The following TMED8 variants were observed in gnomAD, a reference collection of about 807,000 sequenced individuals.
TMED8 encodes the protein transmembrane p24 trafficking protein family member 8.
In TMED8, 15 loss-of-function variants were observed where a neutral mutation model predicts 32.7. The ratio of observed to expected loss-of-function variants is 0.46; its 90% CI spans 0.31 to 0.71. The LOEUF (loss-of-function observed/expected upper bound fraction) is 0.71, where lower values mean the gene tolerates loss of function less well. TMED8 is among the 30% of genes least tolerant of loss of function. The pLI, the probability that TMED8 is intolerant of heterozygous loss-of-function variation, is 0.06. For missense variants in TMED8, 390 were observed against 423.9 expected, an observed-to-expected ratio of 0.92 and a Z score of 0.70; for synonymous variants, 147 against 161.4, an observed-to-expected ratio of 0.91 and a Z score of 0.68.
At chr14:77,351,816 C>A in intron 1 of TMED8, 65 bp from the exon 2 acceptor site, 1 of 1,379,264 alleles carries the variant, frequency 7.3e-7, no homozygotes, top group Non-Finnish European at 9.9e-7. Flanking sequence ...TTATCTTGTA[C>A]CTTTAAAAAA....
chr14:77,372,833 T>G (rs1893701504), intron 1 of TMED8, among the ~76,000 whole-genome samples: 1 of 146,260 alleles, frequency 6.8e-6, no homozygotes, highest in Non-Finnish European at 1.5e-5. Flanking sequence ...GACTCCCTAT[T>G]ATTCTTACCA....
chr14:77,352,268 G>C (rs886694820), intron 1 of TMED8, among the ~76,000 whole-genome samples: 3 of 151,690 alleles, frequency 2.0e-5, no homozygotes, highest in African/African-American at 4.8e-5. Context: ...TACAAAATTA[G>C]CCAGGCATGA....
intron 3 of TMED8, among the ~76,000 whole-genome samples, 164 bp downstream of exon 3, chr14:77,346,184 TA>T (rs1391317938): frequency 6.6e-6 from 1 of 152,104 alleles, no homozygotes; most frequent in Non-Finnish European, 1.5e-5. Context: ...AAGATACAAA[TA>T]ATCATTCTCC....
Position 77,376,849 on chromosome 14 carries a change from A to T in TMED8, c.118+87T>A, listed in dbSNP as rs1893830181. ...GTGGGTCCGCTCCGCGGGGAAGCCC[A>T]GGACAGAGCGCGGCGGAGGCTCGCG... is the stretch of plus-strand genomic sequence containing the variant. On this transcript the variant is annotated intron_variant, in intron 1 of 5. Transcript: ENST00000216468. The surrounding 1 kb of genome is among the most constrained non-coding windows in gnomAD (Gnocchi z 4.0). The T allele has an allele frequency of 1.1e-6, 1 of 890,926 alleles. No individual in the cohort carries two copies. Among genetic ancestry groups the T allele is most frequent in the Non-Finnish European group, 1.5e-6 (1 of 650,840 alleles). The allele number at this position is 890,926 out of a possible 1,614,324, so 55.2% of individuals were successfully genotyped here. A position where few individuals can be genotyped will look rare whatever the true frequency, so the allele number is the denominator to read the frequency against.
intron 1 of TMED8, among the ~76,000 whole-genome samples, chr14:77,367,240 TAAAAAAAAA>T (rs56707120): frequency 8.0e-5 from 2 of 25,074 alleles, no homozygotes; most frequent in Non-Finnish European, 1.7e-4. Flanking sequence ...AGACTCTGTC[TAAAAAAAAA>T]AAAAAAAAAA....
intron 1 of TMED8, among the ~76,000 whole-genome samples, chr14:77,355,487 T>C (rs1245995983): frequency 6.6e-6 from 1 of 152,162 alleles, no homozygotes; most frequent in Non-Finnish European, 1.5e-5. Flanking sequence ...TGACCCACCA[T>C]GGCCAATAAA....
At chr14:77,366,784 A>C (rs1307459440) in intron 1 of TMED8, among the ~76,000 whole-genome samples, 1 of 152,202 alleles carries the variant, frequency 6.6e-6, no homozygotes, top group African/African-American at 2.4e-5. Context: ...AGAACCACTG[A>C]AGTTGATGCT....
intron 1 of TMED8, among the ~76,000 whole-genome samples, chr14:77,364,217 T>C (rs1206537077): frequency 6.6e-6 from 1 of 152,236 alleles, no homozygotes; most frequent in Non-Finnish European, 1.5e-5. Flanking sequence ...CTTCTTCTTT[T>C]TGAGACAGGA....
intron 1 of TMED8, among the ~76,000 whole-genome samples, chr14:77,357,234 T>C (rs1300635111): frequency 1.3e-5 from 2 of 152,204 alleles, no homozygotes; most frequent in African/African-American, 2.4e-5. Context: ...GTAATTCCTA[T>C]TGTATTACAT....
At chr14:77,350,049 A>G (rs2139612305) in intron 2 of TMED8, among the ~76,000 whole-genome samples, 2 of 152,226 alleles carry the variant, frequency 1.3e-5, no homozygotes, top group Middle Eastern at 6.8e-3. Flanking sequence ...CTCAGGGGAG[A>G]TATTTTTTCC....
rs3742738 is a variant in TMED8 at position 77,376,877 on chromosome 14, G to A, written c.118+59C>T. The A allele has an allele frequency of 3.6e-4, 400 of 1,096,050 alleles. 2 individuals are homozygous for A. In the East Asian group the frequency reaches 0.012, roughly 32 times the overall value. 67.9% of individuals were successfully genotyped at this position (1,096,050 alleles called of 1,614,324 possible). ...ACAGAGCGCGGCGGAGGCTCGCGCC[G>A]TGGTGCGGGGCCCTGAGGCCGGGCG... On this transcript the variant is annotated intron_variant, in intron 1 of 5. Coordinates refer to ENST00000216468, the MANE Select transcript of TMED8 (RefSeq NM_213601.3). This position sits in a 1 kb window ranked among gnomAD's most constrained non-coding sequence, Gnocchi z 4.0.
At chr14:77,364,192 C>CT (rs888486111) in intron 1 of TMED8, among the ~76,000 whole-genome samples, 3 of 152,104 alleles carry the variant, frequency 2.0e-5, no homozygotes, top group South Asian at 2.1e-4. Context: ...AGACCACTTT[C>CT]TTTTTTTTCT....
chr14:77,346,622 C>T (rs191451967), intron 2 of TMED8, 144 bp from the exon 3 acceptor site: 75 of 1,021,280 alleles, frequency 7.3e-5, no homozygotes, highest in Non-Finnish European at 1.1e-4. Flanking sequence ...GTCACCTTAG[C>T]CGACCACTGC....
Position 77,377,060 on chromosome 14 carries a change from C to T in TMED8, c.-7G>A, listed in dbSNP as rs1594859128. On this transcript the variant is annotated 5_prime_UTR_variant, in exon 1 of 6. Transcript: ENST00000216468. ...CCGCCTGCAGGTCAGACATCTGCAG[C>T]CCGCGCACGGAGCTCTCCGCTGCCA... 7.4e-7 allele frequency: 1 copy of T among 1,352,918 alleles called. No homozygotes were observed. The highest frequency in any genetic ancestry group is 9.5e-7 in the Non-Finnish European group (1 of 1,055,388). The allele number at this position is 1,352,918 out of a possible 1,614,324, so 83.8% of individuals were successfully genotyped here.
In TMED8 at chr14:77,341,973, C is replaced by G; in HGVS notation, c.776G>C (p.Gly259Ala). ...GCTCCTGGAGCCTCTCTCCACATCT[C>G]CAGCTGGAACGGGTTCTGCGTGAGC... ...EEEIEEPVPA[G>A]DVERGSRSSL... Residue 259 changes from glycine (G) to alanine (A), a missense_variant, in exon 6 of 6, where the codon GGA (glycine) becomes GCA (alanine). Transcript: ENST00000216468. The G allele has an allele frequency of 6.2e-7, 1 of 1,614,020 alleles. No homozygotes were observed. Among genetic ancestry groups the G allele is most frequent in the Non-Finnish European group, 8.5e-7 (1 of 1,180,020 alleles).
chr14:77,366,289 T>C (rs1477923061), intron 1 of TMED8, among the ~76,000 whole-genome samples: 1 of 152,212 alleles, frequency 6.6e-6, no homozygotes, highest in Non-Finnish European at 1.5e-5. Flanking sequence ...CTGACAATAG[T>C]ACTCAGTGGA....
Position 77,339,980 on chromosome 14 carries a change from C to A in TMED8, c.*1791G>T. On this transcript the variant is annotated 3_prime_UTR_variant, in exon 6 of 6. Coordinates refer to ENST00000216468, the MANE Select transcript of TMED8 (RefSeq NM_213601.3). Reference sequence around the variant, plus strand: ...GGGATAGACCCTTGGTGTGAGGAATCTAACAATGAGTCAAAGGAAACATCA... The same window carrying A: ...GGGATAGACCCTTGGTGTGAGGAATATAACAATGAGTCAAAGGAAACATCA... 2.6e-5 allele frequency: 1 copy of A among 38,122 alleles called. No homozygotes were observed. The highest frequency in any genetic ancestry group is 4.9e-5 in the Non-Finnish European group (1 of 20,402). 2.4% of individuals were successfully genotyped at this position (38,122 alleles called of 1,614,324 possible).
chr14:77,368,970 A>G (rs1200222187), intron 1 of TMED8, among the ~76,000 whole-genome samples: 1 of 152,110 alleles, frequency 6.6e-6, no homozygotes. Context: ...GATGTCTTTC[A>G]CTATATTGAG....
At chr14:77,372,906 T>TATATA (rs1893703573) in intron 1 of TMED8, among the ~76,000 whole-genome samples, 1 of 35,332 alleles carries the variant, frequency 2.8e-5, no homozygotes, top group Non-Finnish European at 5.1e-5. Context: ...GCCACAGATA[T>TATATA]TATATATATA....
Sources: allele counts gnomAD v4.1 joint callset (sites outside exome capture counted in the v4.1 genomes callset), GRCh38; gene constraint gnomAD v4.1.1; non-coding constraint Gnocchi (gnomAD v3.1); transcripts MANE v1.5; gene names NCBI Gene and HGNC (gene_info 2026-07-23, HGNC 2026-07-21).